Variants in RBFOX1 observed in about 807,000 individuals in gnomAD.
RBFOX1 encodes the protein RNA binding fox-1 homolog 1.
In RBFOX1, 8 loss-of-function variants were observed where a neutral mutation model predicts 57.7. The observed-to-expected ratio is 0.14, with a 90% CI of 0.08 to 0.25. RBFOX1 has a LOEUF of 0.25. Ranked by LOEUF, RBFOX1 falls within the 10% of genes least tolerant of loss-of-function variation. RBFOX1 has a pLI of 1.00. For missense variants in RBFOX1, 611 were observed against 548.5 expected (o/e 1.11, Z -1.14); for synonymous variants, 326 against 222.4 (o/e 1.47, Z -4.15).
At position 6,844,701 on chromosome 16, in the gene RBFOX1, C is replaced by T. The variant is rs186762759; in HGVS notation, c.-16+190051C>T. On this transcript the variant is annotated intron_variant, in intron 3 of 15. Coordinates refer to ENST00000550418, the MANE Select transcript of RBFOX1 (RefSeq NM_018723.4). ...ATTTCTGTTCCTTTGGGTATATAGCCAGTAATTGGATTGTTGGGTCAAATG... is the reference window on the plus strand; with the variant it reads ...ATTTCTGTTCCTTTGGGTATATAGCTAGTAATTGGATTGTTGGGTCAAATG... 2.0e-3 allele frequency among the ~76,000 whole-genome samples: 308 copies of T among 152,186 alleles called. 1 individual carries two copies. The highest frequency in any genetic ancestry group is 0.01 in the Middle Eastern group (3 of 294).
intron 3 of RBFOX1, among the ~76,000 whole-genome samples, chr16:5,760,793 G>T (rs1183525318): frequency 3.3e-5 from 5 of 152,134 alleles, no homozygotes; most frequent in Admixed American, 3.3e-4. Flanking sequence ...AAAAAGAATA[G>T]GTAAATCCAA....
At chr16:6,410,303 CTTTTTTTTT>C (rs34012786) in intron 2 of RBFOX1, among the ~76,000 whole-genome samples, 7 of 86,722 alleles carry the variant, frequency 8.1e-5, no homozygotes, top group African/African-American at 3.5e-4. Flanking sequence ...ACCTAGGGTT[CTTTTTTTTT>C]TTTTTTTTTT....
intron 2 of RBFOX1, among the ~76,000 whole-genome samples, chr16:6,649,708 T>G (rs2098563581): frequency 2.6e-5 from 4 of 152,366 alleles, no homozygotes; most frequent in South Asian, 2.1e-4. Context: ...TTCATTTTTA[T>G]GGCTCAGTAG....
intron 3 of RBFOX1, among the ~76,000 whole-genome samples, chr16:6,889,147 G>A (rs1228678951): frequency 6.6e-6 from 1 of 152,118 alleles, no homozygotes; most frequent in Admixed American, 6.5e-5. Flanking sequence ...ATCTATTACT[G>A]TAACATTCAG....
intron 3 of RBFOX1, among the ~76,000 whole-genome samples, chr16:5,864,935 A>G (rs1189698336): frequency 1.3e-5 from 2 of 152,212 alleles, no homozygotes. Flanking sequence ...TAAAAAATGT[A>G]TTTCTGTCAG....
At chr16:7,093,281 T>C (rs1004272865) in intron 4 of RBFOX1, among the ~76,000 whole-genome samples, 1 of 152,168 alleles carries the variant, frequency 6.6e-6, no homozygotes. Flanking sequence ...TATTATCCCT[T>C]ATCTTTCTTG....
chr16:6,749,603 G>A (rs371632414), intron 3 of RBFOX1, among the ~76,000 whole-genome samples: 3 of 152,230 alleles, frequency 2.0e-5, no homozygotes, highest in East Asian at 3.9e-4. Context: ...TCATTGCACC[G>A]TTTATTGACC....
chr16:6,531,595 A>C (rs1004382237), intron 2 of RBFOX1, among the ~76,000 whole-genome samples: 2 of 152,184 alleles, frequency 1.3e-5, no homozygotes, highest in African/African-American at 4.8e-5. Context: ...GGGTTTCAAT[A>C]AAAGTGGCCT....
chr16:5,631,307 C>T (rs867077699), intron 3 of RBFOX1, among the ~76,000 whole-genome samples: 28 of 152,124 alleles, frequency 1.8e-4, no homozygotes, highest in Admixed American at 3.3e-4. Flanking sequence ...GCCTGTAATC[C>T]CAGCATTTTG....
At chr16:5,706,839 G>A (rs1299970883) in intron 3 of RBFOX1, among the ~76,000 whole-genome samples, 1 of 152,040 alleles carries the variant, frequency 6.6e-6, no homozygotes, top group Non-Finnish European at 1.5e-5. Context: ...GGGGCAAGAG[G>A]GCATGGCTTT....
chr16:7,688,755 G>T (rs1397703150), intron 14 of RBFOX1, among the ~76,000 whole-genome samples: 2 of 152,120 alleles, frequency 1.3e-5, no homozygotes, highest in Non-Finnish European at 2.9e-5. Context: ...AGTGACATAA[G>T]AGTGAAAGAG....
At chr16:5,832,288 G>A (rs2056300762) in intron 3 of RBFOX1, among the ~76,000 whole-genome samples, 1 of 152,228 alleles carries the variant, frequency 6.6e-6, no homozygotes, top group Non-Finnish European at 1.5e-5. Context: ...CTTTACCCCA[G>A]CTAGTTCCAA....
At chr16:7,039,603 C>G (rs2045550290) in intron 3 of RBFOX1, among the ~76,000 whole-genome samples, 1 of 151,990 alleles carries the variant, frequency 6.6e-6, no homozygotes, top group Non-Finnish European at 1.5e-5. Context: ...TTCCTTGTGA[C>G]AAAAAGTAAC....
chr16:7,645,799 A>C (rs2143942055), intron 11 of RBFOX1, among the ~76,000 whole-genome samples: 1 of 152,322 alleles, frequency 6.6e-6, no homozygotes, highest in East Asian at 1.9e-4. Context: ...CATGCATTTC[A>C]TACTGAAACA....
intron 3 of RBFOX1, among the ~76,000 whole-genome samples, chr16:6,776,844 T>A (rs1268451509): frequency 6.6e-6 from 1 of 152,250 alleles, no homozygotes; most frequent in Non-Finnish European, 1.5e-5. Flanking sequence ...TTTTATTTTT[T>A]CTTCGTAGCA....
intron 4 of RBFOX1, among the ~76,000 whole-genome samples, chr16:7,308,884 C>T (rs2096251472): frequency 6.6e-6 from 1 of 152,190 alleles, no homozygotes; most frequent in Admixed American, 6.5e-5. Context: ...ATTCTCATTG[C>T]AGTTACTTAC....
At chr16:5,395,874 C>T (rs1355375743) in intron 1 of RBFOX1, among the ~76,000 whole-genome samples, 2 of 152,174 alleles carry the variant, frequency 1.3e-5, no homozygotes, top group Non-Finnish European at 2.9e-5. Context: ...GAGGTGGTCT[C>T]CAGAAAGAAA....
rs188604843 is a variant in RBFOX1 at position 6,342,284 on chromosome 16, C to T, written c.-64+25227C>T. ...GGCGGTGGTCTGGACTAGGATGGCA[C>T]CACGAAGATGGACATGTGGAAATGC... On this transcript the variant is annotated intron_variant, in intron 2 of 15. Transcript: ENST00000550418. 1.6e-3 allele frequency among the ~76,000 whole-genome samples: 248 copies of T among 152,094 alleles called. 4 individuals carry two copies. Among genetic ancestry groups the T allele is most frequent in the African/African-American group, 5.9e-3 (244 of 41,490 alleles).
chr16:7,436,517 C>G (rs2098722574), intron 4 of RBFOX1, among the ~76,000 whole-genome samples: 1 of 152,204 alleles, frequency 6.6e-6, no homozygotes, highest in South Asian at 2.1e-4. Context: ...GGCGTTATGC[C>G]TCATCCATCC....
Sources: gnomAD v4.1 joint callset for allele counts (sites outside exome capture counted in the v4.1 genomes callset) on GRCh38, gnomAD v4.1.1 for gene constraint, MANE v1.5 for transcripts, NCBI Gene and HGNC (gene_info 2026-07-23, HGNC 2026-07-21) for gene names.